The following PPP3CC variants were observed in gnomAD, a reference collection of about 807,000 sequenced individuals.
The protein encoded by PPP3CC is serine/threonine-protein phosphatase 2B catalytic subunit gamma isoform.
Under a neutral mutation model 60.3 loss-of-function variants are expected in PPP3CC, and 35 were observed. That is an observed-to-expected ratio of 0.58 (90% confidence interval 0.44 to 0.77). The LOEUF is 0.77. Among genes scored for constraint, PPP3CC ranks in the 30% least tolerant of loss-of-function variants. The pLI is 0.00. For synonymous variants in PPP3CC, 206 were observed against 224.3 expected (o/e 0.92, Z 0.73); for missense variants, 570 against 628.9 (o/e 0.91, Z 1.00).
At chr8:22,443,735 C>G (rs1054488426) in intron 1 of PPP3CC, among the ~76,000 whole-genome samples, 1 of 152,156 alleles carries the variant, frequency 6.6e-6, no homozygotes, top group African/African-American at 2.4e-5. Context: ...ATAAAAACTT[C>G]GGCATAAGAG....
chr8:22,513,862 G>A (rs956604523), intron 6 of PPP3CC, among the ~76,000 whole-genome samples: 3 of 152,156 alleles, frequency 2.0e-5, no homozygotes, highest in African/African-American at 4.8e-5. Context: ...AAAAAGAACA[G>A]GACATTGTGA....
chr8:22,538,121 T>TCTTATAATGGCC (rs2117162544), intron 12 of PPP3CC, among the ~76,000 whole-genome samples: 1 of 152,376 alleles, frequency 6.6e-6, no homozygotes, highest in South Asian at 2.1e-4. Flanking sequence ...TATGACTGTT[T>TCTTATAATGGCC]CTTATAATGG....
At chr8:22,531,210 AT>A (rs1026806422) in intron 10 of PPP3CC, 44 of 1,243,872 alleles carry the variant, frequency 3.5e-5, no homozygotes, top group Middle Eastern at 1.9e-4. Context: ...TTTCACTTTG[AT>A]TTTTTTTTCT....
At chr8:22,461,671 A>C (rs1837365476) in intron 1 of PPP3CC, among the ~76,000 whole-genome samples, 1 of 152,160 alleles carries the variant, frequency 6.6e-6, no homozygotes, top group Admixed American at 6.5e-5. Flanking sequence ...AGCTTGCTGC[A>C]GGAAGGAATA....
intron 12 of PPP3CC, among the ~76,000 whole-genome samples, chr8:22,534,209 A>C (rs1301587149): frequency 1.3e-5 from 2 of 151,606 alleles, no homozygotes; most frequent in East Asian, 1.9e-4. Context: ...AAAAAAAAAA[A>C]AAAACAAACA....
At chr8:22,455,213 T>C (rs1837160415) in intron 1 of PPP3CC, among the ~76,000 whole-genome samples, 1 of 152,192 alleles carries the variant, frequency 6.6e-6, no homozygotes, top group African/African-American at 2.4e-5. Flanking sequence ...CATTTCTGGT[T>C]ATGCTTAGAA....
intron 1 of PPP3CC, among the ~76,000 whole-genome samples, chr8:22,470,639 G>A (rs1837693997): frequency 6.6e-6 from 1 of 152,112 alleles, no homozygotes; most frequent in Non-Finnish European, 1.5e-5. Flanking sequence ...ATATTCAAAT[G>A]GCCCTTAAGC....
At chr8:22,509,848 T>C (rs1234588979) in intron 4 of PPP3CC, among the ~76,000 whole-genome samples, 1 of 152,116 alleles carries the variant, frequency 6.6e-6, no homozygotes, top group Non-Finnish European at 1.5e-5. Context: ...ACAGCAGGTG[T>C]GTGCCACCAC....
intron 1 of PPP3CC, among the ~76,000 whole-genome samples, chr8:22,443,588 G>C (rs1836740316): frequency 1.3e-5 from 2 of 150,378 alleles, no homozygotes; most frequent in Non-Finnish European, 2.9e-5. Flanking sequence ...AATAAACACT[G>C]TCATCATATC....
Position 22,466,389 on chromosome 8 carries a change from C to T in PPP3CC, c.50-8565C>T, listed in dbSNP as rs1013971211. Among the ~76,000 whole-genome samples, 7 of 152,276 alleles carry T rather than the reference C, an allele frequency of 4.6e-5. No homozygotes were observed. The South Asian group carries it at 1.4e-3, about 32-fold the overall frequency. On this transcript the variant is annotated intron_variant, in intron 1 of 13. Transcript: ENST00000240139. ...GCTGGGTCAAATGGTATTTCTAGTT[C>T]TAGATCCTTGAGGAATCACCACACT...
chr8:22,493,737 A>T (rs73546096), intron 3 of PPP3CC, among the ~76,000 whole-genome samples: 2,185 of 152,234 alleles, frequency 0.014, 53 homozygotes, highest in African/African-American at 0.05. Flanking sequence ...TTCTGCTAGA[A>T]TCCCTCCTGA....
rs898785579 is a variant in PPP3CC, at chr8:22,509,463, G to A, written c.485-1623G>A. ...GCAGGGTTGCCTGACTATATTTCTC[G>A]TCTTCTCTACCCACACACATCCCTG... On this transcript the variant is annotated intron_variant, in intron 4 of 13. Coordinates refer to ENST00000240139, the MANE Select transcript of PPP3CC (RefSeq NM_005605.5). 2.3e-4 allele frequency among the ~76,000 whole-genome samples: 35 copies of A among 152,140 alleles called. 1 individual carries two copies. The highest frequency in any genetic ancestry group is 2.2e-3 in the Admixed American group (33 of 15,274).
chr8:22,495,840 TGAGCC>T (rs1180663530), intron 3 of PPP3CC, among the ~76,000 whole-genome samples: 1 of 152,134 alleles, frequency 6.6e-6, no homozygotes, highest in Admixed American at 6.6e-5. Flanking sequence ...ATTGCAGGCG[TGAGCC>T]ACCATGCCTG....
intron 1 of PPP3CC, among the ~76,000 whole-genome samples, chr8:22,459,217 C>T (rs1269120889): frequency 6.6e-6 from 1 of 152,200 alleles, no homozygotes; most frequent in African/African-American, 2.4e-5. Context: ...GAATTACAGG[C>T]ACATGCCACT....
At chr8:22,502,809 A>G (rs988068789) in intron 4 of PPP3CC, among the ~76,000 whole-genome samples, 5 of 152,236 alleles carry the variant, frequency 3.3e-5, no homozygotes, top group East Asian at 1.9e-4. Flanking sequence ...TTAAAAATAT[A>G]TAATGTACAG....
chr8:22,501,865 A>C (rs1838771921), intron 4 of PPP3CC, among the ~76,000 whole-genome samples: 1 of 152,140 alleles, frequency 6.6e-6, no homozygotes, highest in Non-Finnish European at 1.5e-5. Flanking sequence ...GAAAATTAAA[A>C]AACTAGAATT....
chr8:22,510,712 C>T (rs967443696), intron 4 of PPP3CC, among the ~76,000 whole-genome samples: 5 of 152,146 alleles, frequency 3.3e-5, no homozygotes, highest in African/African-American at 1.2e-4. Context: ...ATAGAAGCCT[C>T]GTGCATCAAA....
At chr8:22,465,541 C>A (rs1307886097) in intron 1 of PPP3CC, among the ~76,000 whole-genome samples, 1 of 152,142 alleles carries the variant, frequency 6.6e-6, no homozygotes, top group Non-Finnish European at 1.5e-5. Context: ...CTAATGAATG[C>A]ATTAATGTTG....
intron 3 of PPP3CC, among the ~76,000 whole-genome samples, chr8:22,488,514 G>A (rs1007184216): frequency 2.0e-5 from 3 of 152,194 alleles, no homozygotes; most frequent in Non-Finnish European, 4.4e-5. Context: ...AAAATACCCT[G>A]CAATGTGTAG....
Sources: gnomAD v4.1 joint callset for allele counts (sites outside exome capture counted in the v4.1 genomes callset) on GRCh38, gnomAD v4.1.1 for gene constraint, MANE v1.5 for transcripts, NCBI Gene and HGNC (gene_info 2026-07-23, HGNC 2026-07-21) for gene names.